Variants in CREBRF observed in about 807,000 individuals in gnomAD.
The protein encoded by CREBRF is UPF0474 protein C5orf41.
A neutral mutation model predicts 66.1 loss-of-function variants in CREBRF; 5 were observed. The ratio of observed to expected loss-of-function variants is 0.08; its 90% confidence interval spans 0.04 to 0.16. The LOEUF (loss-of-function observed/expected upper bound fraction) is 0.16. CREBRF is among the 10% of genes least tolerant of loss of function. The probability of loss-of-function intolerance (pLI) is 1.00; values close to 1 mark genes in which losing one functional copy is unlikely to be tolerated. For missense variants in CREBRF, 531 were observed against 744.9 expected, an observed-to-expected ratio of 0.71 and a Z score of 3.34; for synonymous variants, 229 against 264.4, an observed-to-expected ratio of 0.87 and a Z score of 1.30.
chr5:173,127,090 T>C (rs1282799986), intron 8 of CREBRF, among the ~76,000 whole-genome samples: 4 of 151,676 alleles, frequency 2.6e-5, no homozygotes, highest in African/African-American at 9.7e-5. Context: ...AAAACAACAA[T>C]AACAACAACT....
intron 1 of CREBRF, among the ~76,000 whole-genome samples, chr5:173,066,808 C>CTTTTTTTTTTTTTTTTTT (rs34093582): frequency 1.6e-5 from 1 of 63,032 alleles, no homozygotes; most frequent in Non-Finnish European, 2.8e-5. Flanking sequence ...TTCATTGAAT[C>CTTTTTTTTTTTTTTTTTT]TTTTTTTTTT....
At chr5:173,084,501 C>T (rs547436705) in intron 2 of CREBRF, among the ~76,000 whole-genome samples, 10 of 152,198 alleles carry the variant, frequency 6.6e-5, no homozygotes, top group African/African-American at 2.2e-4. Context: ...ACTTTTCTGA[C>T]GATACACAAT....
At chr5:173,080,528 GA>G (rs1011330327) in intron 1 of CREBRF, 56 bp from the exon 2 acceptor site, 1 of 517,312 alleles carries the variant, frequency 1.9e-6, no homozygotes, top group African/African-American at 1.9e-5. Flanking sequence ...CTTTTTTTTT[GA>G]AACATCAACT....
At chr5:173,112,415 T>A (rs1250685908) in intron 7 of CREBRF, 36 bp downstream of exon 7, 14 of 1,361,528 alleles carry the variant, frequency 1.0e-5, no homozygotes, top group Admixed American at 4.0e-5. Context: ...ATTAACCACC[T>A]ATTGATTTGC....
intron 1 of CREBRF, among the ~76,000 whole-genome samples, chr5:173,063,768 G>C (rs1757351777): frequency 6.6e-6 from 1 of 151,744 alleles, no homozygotes; most frequent in Non-Finnish European, 1.5e-5. Context: ...TGTCACCCAG[G>C]CTGGAGTGCA....
chr5:173,117,579 C>CTCCTTCCTTCCT (rs1186370279), intron 7 of CREBRF, among the ~76,000 whole-genome samples: 8 of 39,626 alleles, frequency 2.0e-4, no homozygotes, highest in Non-Finnish European at 3.9e-4. Context: ...CCCTCCCTCC[C>CTCCTTCCTTCCT]TCCTTCCTTC....
chr5:173,095,617 T>C (rs1294074733), intron 4 of CREBRF, among the ~76,000 whole-genome samples: 1 of 152,172 alleles, frequency 6.6e-6, no homozygotes, highest in East Asian at 1.9e-4. Flanking sequence ...TTTAGGGTCT[T>C]TTTCCCTTTG....
chr5:173,066,940 G>A (rs1158775452), intron 1 of CREBRF, among the ~76,000 whole-genome samples: 3 of 148,910 alleles, frequency 2.0e-5, no homozygotes, highest in Non-Finnish European at 4.4e-5. Context: ...TCAGCCTCAC[G>A]AGTGTCTGGG....
intron 8 of CREBRF, 116 bp downstream of exon 8, chr5:173,123,318 A>G (rs1759186904): frequency 1.1e-6 from 1 of 935,468 alleles, no homozygotes; most frequent in Non-Finnish European, 1.6e-6. Context: ...TCTCATTGTA[A>G]TTACTCTCCT....
At chr5:173,108,898 C>A in intron 5 of CREBRF, 80 bp downstream of exon 5, 3 of 1,316,460 alleles carry the variant, frequency 2.3e-6, no homozygotes, top group Non-Finnish European at 3.2e-6. Flanking sequence ...ACTCCGTGTA[C>A]CTAGGCATTC....
chr5:173,095,811 GT>G (rs77216778), intron 4 of CREBRF, among the ~76,000 whole-genome samples: 79 of 142,294 alleles, frequency 5.6e-4, no homozygotes, highest in African/African-American at 8.2e-4. Flanking sequence ...TTTTTTCTAA[GT>G]TTTTTTTTTT....
chr5:173,133,587 T>G, intron 8 of CREBRF, 43 bp from the exon 9 acceptor site: 1 of 1,190,162 alleles, frequency 8.4e-7, no homozygotes, highest in Non-Finnish European at 1.2e-6. Context: ...CTTCATGGCC[T>G]TCCATTTTTG....
At chr5:173,101,229 A>AT (rs35560424) in intron 4 of CREBRF, among the ~76,000 whole-genome samples, 1 of 151,134 alleles carries the variant, frequency 6.6e-6, no homozygotes, top group African/African-American at 2.4e-5. Flanking sequence ...TAATTTTTGT[A>AT]TTTTTTTTGT....
intron 7 of CREBRF, among the ~76,000 whole-genome samples, chr5:173,116,114 A>G (rs540594071): frequency 4.2e-4 from 64 of 152,304 alleles, no homozygotes; most frequent in Non-Finnish European, 8.5e-4. Context: ...GAAATACCCC[A>G]TCTCTTTAAA....
chr5:173,103,208 C>G (rs1263836979), intron 4 of CREBRF, among the ~76,000 whole-genome samples: 1 of 152,120 alleles, frequency 6.6e-6, no homozygotes, highest in African/African-American at 2.4e-5. Flanking sequence ...TGACAATTAT[C>G]CCAAATTTGT....
chr5:173,086,689 T>G (rs1758159029), intron 3 of CREBRF, 63 bp downstream of exon 3: 1 of 1,490,924 alleles, frequency 6.7e-7, no homozygotes, highest in Non-Finnish European at 9.0e-7. Context: ...TGGGAGAGTT[T>G]TTTGTTTATA....
At chr5:173,097,996 G>A (rs1201591638) in intron 4 of CREBRF, among the ~76,000 whole-genome samples, 1 of 150,384 alleles carries the variant, frequency 6.6e-6, no homozygotes, top group Non-Finnish European at 1.5e-5. Context: ...TTTCTTTGTC[G>A]TAGTTGTTTA....
chr5:173,117,069 G>A (rs2113783789), intron 7 of CREBRF, among the ~76,000 whole-genome samples: 1 of 152,114 alleles, frequency 6.6e-6, no homozygotes, highest in Non-Finnish European at 1.5e-5. Context: ...AAAAAAATTG[G>A]TTTCTCTTCT....
intron 1 of CREBRF, among the ~76,000 whole-genome samples, chr5:173,080,034 A>G (rs1757891301): frequency 6.6e-6 from 1 of 152,208 alleles, no homozygotes; most frequent in African/African-American, 2.4e-5. Context: ...CTTCAATGAG[A>G]GCTTATACTT....
Sources: allele counts gnomAD v4.1 joint callset (sites outside exome capture counted in the v4.1 genomes callset), GRCh38; gene constraint gnomAD v4.1.1; transcripts MANE v1.5; gene names NCBI Gene and HGNC (gene_info 2026-07-23, HGNC 2026-07-21).